The following NCOA1 variants were observed in gnomAD, a reference collection of about 807,000 sequenced individuals.
NCOA1 encodes the protein Hin-2 protein.
Under a neutral mutation model 150.9 loss-of-function variants are expected in NCOA1, and 35 were observed. The ratio of observed to expected loss-of-function variants is 0.23; its 90% CI spans 0.18 to 0.31. NCOA1 has a LOEUF of 0.31. Among genes scored for constraint, NCOA1 ranks in the 10% least tolerant of loss-of-function variants. The pLI, the probability that NCOA1 is intolerant of heterozygous loss-of-function variation, is 1.00. For missense variants in NCOA1, 1,491 were observed against 1,749.3 expected, an observed-to-expected ratio of 0.85 and a Z score of 2.63; for synonymous variants, 590 against 630.0, an observed-to-expected ratio of 0.94 and a Z score of 0.95.
intron 22 of NCOA1, 112 bp downstream of exon 22, chr2:24,762,888 C>G: frequency 1.1e-6 from 1 of 887,186 alleles, no homozygotes; most frequent in Admixed American, 2.0e-5. Flanking sequence ...GGGTGTGAGT[C>G]CTGGCTCTGC....
chr2:24,641,552 T>C (rs1670217375), intron 3 of NCOA1, among the ~76,000 whole-genome samples: 1 of 152,104 alleles, frequency 6.6e-6, no homozygotes, highest in African/African-American at 2.4e-5. Context: ...TAAAACAGAT[T>C]ATGTTTGGTT....
rs755303360 is a variant in NCOA1 at position 24,768,313 on chromosome 2, A to G, written c.4248A>G (p.Gly1416=). Reference sequence around the variant, plus strand: ...ACCTGAACCAGCCTGGTCCACTGGGAACTCAAAAGCCCACGTCAGGACCAC... The same window carrying G: ...ACCTGAACCAGCCTGGTCCACTGGGGACTCAAAAGCCCACGTCAGGACCAC... ...DPYLNQPGPL[G]TQKPTSGPQT... The change falls in exon 23 of 23, where the codon GGA becomes GGG. Residue 1416 remains glycine, a synonymous_variant. Transcript: ENST00000348332. 4 of 1,613,932 alleles carry G rather than the reference A, an allele frequency of 2.5e-6. No individual in the cohort carries two copies. The highest frequency in any genetic ancestry group is 3.4e-6 in the Non-Finnish European group (4 of 1,179,962).
chr2:24,683,220 ACACAGT>A, intron 8 of NCOA1, 92 bp downstream of exon 8: 1 of 741,220 alleles, frequency 1.3e-6, no homozygotes, highest in Non-Finnish European at 1.9e-6. Flanking sequence ...TATTTATAAT[ACACAGT>A]ATTATATATG....
At chr2:24,761,597 A>C (rs950388968) in intron 21 of NCOA1, among the ~76,000 whole-genome samples, 1 of 152,054 alleles carries the variant, frequency 6.6e-6, no homozygotes, top group Non-Finnish European at 1.5e-5. Flanking sequence ...ATCATTTTTG[A>C]ATTGATTTCA....
intron 1 of NCOA1, among the ~76,000 whole-genome samples, chr2:24,551,467 G>A (rs1352907259): frequency 6.6e-6 from 1 of 151,946 alleles, no homozygotes; most frequent in Non-Finnish European, 1.5e-5. Context: ...TTTTAATAAA[G>A]TGTTATTTTT....
intron 1 of NCOA1, among the ~76,000 whole-genome samples, chr2:24,503,569 G>T (rs1663556217): frequency 6.6e-6 from 1 of 152,040 alleles, no homozygotes; most frequent in South Asian, 2.1e-4. Flanking sequence ...CCCTATAAGG[G>T]AGTCTCATTT....
intron 3 of NCOA1, among the ~76,000 whole-genome samples, chr2:24,641,884 A>C (rs1670232238): frequency 6.6e-6 from 1 of 151,960 alleles, no homozygotes; most frequent in South Asian, 2.1e-4. Context: ...TGGATCTGAC[A>C]GTTTATTTTT....
chr2:24,659,403 A>G (rs1363585252), intron 5 of NCOA1, among the ~76,000 whole-genome samples: 3 of 152,198 alleles, frequency 2.0e-5, no homozygotes, highest in Non-Finnish European at 4.4e-5. Context: ...AAGGAATATG[A>G]CCACCTTGAA....
At chr2:24,613,152 A>G (rs1234142693) in intron 3 of NCOA1, among the ~76,000 whole-genome samples, 1 of 151,560 alleles carries the variant, frequency 6.6e-6, no homozygotes, top group African/African-American at 2.4e-5. Context: ...GCTGGGTAGC[A>G]TCTTTTGGCT....
chr2:24,764,855 C>T (rs1664966949), intron 22 of NCOA1, among the ~76,000 whole-genome samples: 1 of 152,134 alleles, frequency 6.6e-6, no homozygotes, highest in Non-Finnish European at 1.5e-5. Context: ...ACTGGGTTCA[C>T]AGTCTAAGCA....
chr2:24,638,117 TCTTCCCCCTACC>T (rs754292476), intron 3 of NCOA1, among the ~76,000 whole-genome samples: 5 of 150,142 alleles, frequency 3.3e-5, no homozygotes, highest in Non-Finnish European at 7.4e-5. Flanking sequence ...TCCCTATCCC[TCTTCCCCCTACC>T]CTTCCCAGCC....
chr2:24,690,988 T>C (rs1672643953), intron 8 of NCOA1, among the ~76,000 whole-genome samples: 2 of 152,214 alleles, frequency 1.3e-5, no homozygotes, highest in Middle Eastern at 3.2e-3. Context: ...AATACTTTTT[T>C]TGAGTGACAG....
intron 2 of NCOA1, among the ~76,000 whole-genome samples, chr2:24,577,549 T>C (rs904471440): frequency 6.6e-6 from 1 of 152,240 alleles, no homozygotes; most frequent in Non-Finnish European, 1.5e-5. Flanking sequence ...CAGTATAATT[T>C]TGAGTCATAT....
intron 1 of NCOA1, among the ~76,000 whole-genome samples, chr2:24,537,239 TACACACACACACACAC>T (rs36086647): frequency 6.7e-6 from 1 of 148,668 alleles, no homozygotes; most frequent in Admixed American, 6.7e-5. Flanking sequence ...CTGTGATACA[TACACACACACACACAC>T]ACACACACAC....
At chr2:24,634,225 C>G (rs7557748) in intron 3 of NCOA1, among the ~76,000 whole-genome samples, 6,360 of 152,176 alleles carry the variant, frequency 0.042, 204 homozygotes, top group African/African-American at 0.09. Context: ...GGGGAAGGAA[C>G]AGGGTAGGCT....
chr2:24,602,630 AT>A (rs1411360706), intron 3 of NCOA1, among the ~76,000 whole-genome samples: 2 of 152,182 alleles, frequency 1.3e-5, no homozygotes, highest in African/African-American at 4.8e-5. Flanking sequence ...GTAAGGTTAA[AT>A]TAAAAATTTA....
At chr2:24,611,854 C>G (rs1030538983) in intron 3 of NCOA1, among the ~76,000 whole-genome samples, 15 of 148,362 alleles carry the variant, frequency 1.0e-4, no homozygotes, top group Admixed American at 5.4e-4. Flanking sequence ...ATAGATGAGT[C>G]TTTTTTTTTT....
chr2:24,638,506 G>A (rs1193131564), intron 3 of NCOA1, among the ~76,000 whole-genome samples: 1 of 152,060 alleles, frequency 6.6e-6, no homozygotes, highest in Non-Finnish European at 1.5e-5. Flanking sequence ...CCAAGTAGTA[G>A]GATTGCTGGA....
intron 1 of NCOA1, among the ~76,000 whole-genome samples, chr2:24,503,901 G>A (rs1289268784): frequency 6.6e-6 from 1 of 151,860 alleles, no homozygotes; most frequent in Admixed American, 6.6e-5. Context: ...CACACAGCTA[G>A]TTTTTGTGTT....
Sources: allele counts gnomAD v4.1 joint callset (sites outside exome capture counted in the v4.1 genomes callset), GRCh38; gene constraint gnomAD v4.1.1; transcripts MANE v1.5; gene names NCBI Gene and HGNC (gene_info 2026-07-23, HGNC 2026-07-21).